Variants in TYW1 observed in about 807,000 individuals in gnomAD.
TYW1 encodes the protein tRNA-yW synthesizing protein 1 homolog, also known as S-adenosyl-L-methionine-dependent tRNA 4-demethylwyosine synthase TYW1.
In TYW1, 46 loss-of-function variants were observed where a neutral mutation model predicts 96.2. The observed-to-expected ratio is 0.48, with a 90% CI of 0.38 to 0.61. TYW1 has a LOEUF of 0.61. Ranked by LOEUF, TYW1 falls within the 20% of genes least tolerant of loss-of-function variation. TYW1 has a pLI of 0.00. For missense variants in TYW1, 684 were observed against 909.6 expected (o/e 0.75, Z 3.19); for synonymous variants, 274 against 323.0 (o/e 0.85, Z 1.63).
chr7:67,124,601 C>T (rs781274673), intron 13 of TYW1, among the ~76,000 whole-genome samples: 12 of 152,046 alleles, frequency 7.9e-5, no homozygotes. Context: ...TTAATTTTGC[C>T]TGTTATTGAA....
At chr7:67,147,651 C>T (rs1186429265) in intron 13 of TYW1, among the ~76,000 whole-genome samples, 2 of 152,064 alleles carry the variant, frequency 1.3e-5, no homozygotes, top group Non-Finnish European at 2.9e-5. Context: ...CATTTAGCTA[C>T]CACTTATAAG....
In TYW1 at chr7:67,173,837, G is replaced by A. The variant is rs1444053735; in HGVS notation, c.1699-9289G>A. On this transcript the variant is annotated intron_variant, in intron 13 of 15. Coordinates refer to ENST00000359626, the MANE Select transcript of TYW1 (RefSeq NM_018264.4). The stretch of plus-strand genomic sequence containing the variant: ...TGCTGAGAGTTTTTATTATGAATGG[G>A]TGGTGAATGGTGTCATATGCTTTTT... Among the ~76,000 whole-genome samples the A allele has an allele frequency of 2.8e-5, 4 of 141,230 alleles. 1 individual carries two copies. Among genetic ancestry groups the A allele is most frequent in the Non-Finnish European group, 4.6e-5 (3 of 64,844 alleles). 92.7% of individuals were successfully genotyped at this position (141,230 alleles called of 152,430 possible). A position where few individuals can be genotyped will look rare whatever the true frequency, so the allele number is the denominator to read the frequency against.
At chr7:67,190,178 C>G (rs1800163730) in intron 14 of TYW1, among the ~76,000 whole-genome samples, 1 of 152,216 alleles carries the variant, frequency 6.6e-6, no homozygotes, top group South Asian at 2.1e-4. Flanking sequence ...TAGCCTCACT[C>G]TCTCCCACAA....
chr7:66,997,623 G>T (rs1793224686), intron 1 of TYW1, among the ~76,000 whole-genome samples: 1 of 151,458 alleles, frequency 6.6e-6, no homozygotes, highest in African/African-American at 2.4e-5. Flanking sequence ...TTTTATTACA[G>T]TTGTTCCCCA....
At chr7:67,057,075 C>T (rs1467542212) in intron 9 of TYW1, among the ~76,000 whole-genome samples, 1 of 147,878 alleles carries the variant, frequency 6.8e-6, no homozygotes, top group Non-Finnish European at 1.5e-5. Context: ...AGTACAGTGT[C>T]ATGATCTTGG....
chr7:67,047,607 T>A (rs1795225229), intron 7 of TYW1, among the ~76,000 whole-genome samples: 1 of 151,516 alleles, frequency 6.6e-6, no homozygotes, highest in Admixed American at 6.6e-5. Flanking sequence ...TAATTTGGAA[T>A]GCTGACTTTT....
chr7:67,038,253 A>G (rs1794901530), intron 7 of TYW1, among the ~76,000 whole-genome samples: 1 of 152,084 alleles, frequency 6.6e-6, no homozygotes, highest in East Asian at 1.9e-4. Context: ...CAGTGAGCCT[A>G]GATTACGCCA....
chr7:67,148,694 A>G (rs10274578), intron 13 of TYW1, among the ~76,000 whole-genome samples: 45,676 of 151,818 alleles, frequency 0.3, 7,176 homozygotes, highest in African/African-American at 0.39. Flanking sequence ...GCCTCCCAAA[A>G]TGCTGGGATT....
intron 11 of TYW1, 100 bp from the exon 12 acceptor site, chr7:67,098,441 T>C (rs1488536770): frequency 8.2e-7 from 1 of 1,224,828 alleles, no homozygotes; most frequent in Non-Finnish European, 1.1e-6. Flanking sequence ...GTATCAAAAA[T>C]GAATTTGCTC....
At chr7:67,118,384 C>T (rs1584584045) in intron 13 of TYW1, among the ~76,000 whole-genome samples, 2 of 151,996 alleles carry the variant, frequency 1.3e-5, no homozygotes, top group East Asian at 3.8e-4. Context: ...ACATAATCTA[C>T]ACTTATCTTC....
At chr7:67,092,674 C>CTT (rs3980762) in intron 11 of TYW1, among the ~76,000 whole-genome samples, 3,189 of 92,300 alleles carry the variant, frequency 0.035, 612 homozygotes, top group Non-Finnish European at 0.046. Context: ...CTATCACCTT[C>CTT]TTTTTTTTTT....
intron 4 of TYW1, among the ~76,000 whole-genome samples, chr7:67,013,986 G>T (rs901498073): frequency 6.6e-6 from 1 of 151,744 alleles, no homozygotes; most frequent in Non-Finnish European, 1.5e-5. Context: ...ATTGTGATCC[G>T]CCCGCCTCAG....
chr7:67,226,712 T>C (rs1801570028), intron 15 of TYW1, among the ~76,000 whole-genome samples: 2 of 152,200 alleles, frequency 1.3e-5, no homozygotes, highest in Non-Finnish European at 2.9e-5. Context: ...TCTTGATTAA[T>C]TGGCTCTGTC....
intron 7 of TYW1, among the ~76,000 whole-genome samples, chr7:67,041,777 T>C (rs1795030302): frequency 1.3e-5 from 2 of 152,130 alleles, no homozygotes; most frequent in Non-Finnish European, 2.9e-5. Flanking sequence ...TGAGTAATAC[T>C]CACTAACTTT....
chr7:67,236,638 C>T (rs1801899205), intron 15 of TYW1, among the ~76,000 whole-genome samples: 1 of 152,058 alleles, frequency 6.6e-6, no homozygotes, highest in Admixed American at 6.6e-5. Flanking sequence ...TTCACAGGGC[C>T]CTTGAGGCAC....
intron 8 of TYW1, 44 bp downstream of exon 8, chr7:67,050,110 G>A (rs1463620647): frequency 6.2e-7 from 1 of 1,603,598 alleles, no homozygotes; most frequent in East Asian, 2.2e-5. Flanking sequence ...GTAGTCTTAG[G>A]CATTCTCATT....
At chr7:67,031,274 T>C (rs1199468615) in intron 7 of TYW1, among the ~76,000 whole-genome samples, 2 of 130,640 alleles carry the variant, frequency 1.5e-5, no homozygotes, top group South Asian at 2.6e-4. Flanking sequence ...AGATACTAAC[T>C]ATGTAAGGCA....
Position 67,231,766 on chromosome 7 carries a change from T to C in TYW1, c.1978-6542T>C, listed in dbSNP as rs62465006. ...CAGACGGTGTGTCTGGTTTTATCCA[T>C]TGTAGACACCTTTAATGTGGAAACT... On this transcript the variant is annotated intron_variant, in intron 15 of 15. Transcript: ENST00000359626. 9.4e-4 allele frequency among the ~76,000 whole-genome samples: 142 copies of C among 151,790 alleles called. No homozygotes were observed. In the East Asian group the frequency reaches 0.011, roughly 11 times the overall value.
At chr7:67,070,925 AT>A (rs1046809537) in intron 10 of TYW1, among the ~76,000 whole-genome samples, 1 of 151,908 alleles carries the variant, frequency 6.6e-6, no homozygotes, top group South Asian at 2.1e-4. Context: ...AGATCAGGAG[AT>A]TGAGACCATC....
Sources: allele counts gnomAD v4.1 joint callset (sites outside exome capture counted in the v4.1 genomes callset), GRCh38; gene constraint gnomAD v4.1.1; transcripts MANE v1.5; gene names NCBI Gene and HGNC (gene_info 2026-07-23, HGNC 2026-07-21).